VPS8: variants seen among roughly 807,000 people sequenced by gnomAD.
VPS8 encodes VPS8 subunit of CORVET complex.
A neutral mutation model predicts 216.4 loss-of-function variants in VPS8; 129 were observed. The ratio of observed to expected loss-of-function variants is 0.60; its 90% confidence interval spans 0.52 to 0.69. The LOEUF is 0.69. VPS8 is among the 30% of genes least tolerant of loss of function. The probability of loss-of-function intolerance (pLI) is 0.00; values close to 1 mark genes in which losing one functional copy is unlikely to be tolerated. For synonymous variants in VPS8, 571 were observed against 565.4 expected (o/e 1.01, Z -0.14); for missense variants, 1,531 against 1,683.5 (o/e 0.91, Z 1.59).
intron 45 of VPS8, among the ~76,000 whole-genome samples, chr3:185,023,152 T>G (rs1347169988): frequency 6.6e-6 from 1 of 152,222 alleles, no homozygotes; most frequent in African/African-American, 2.4e-5. Context: ...CCACTGATTA[T>G]CTTTACAAAT....
intron 35 of VPS8, among the ~76,000 whole-genome samples, chr3:184,939,182 C>G (rs1168696398): frequency 6.6e-6 from 1 of 152,008 alleles, no homozygotes. Context: ...AAGAAATATG[C>G]CTCTGACCAA....
chr3:184,999,757 G>A lies in VPS8; in HGVS notation c.3898G>A (p.Gly1300Ser), dbSNP rs1455944392. The A allele has an allele frequency of 6.2e-7, 1 of 1,613,236 alleles. No homozygotes were observed. Among genetic ancestry groups the A allele is most frequent in the South Asian group, 1.1e-5 (1 of 90,838 alleles). Residue 1300 changes from glycine (G) to serine (S), a missense_variant, in exon 45 of 48, where the codon GGC becomes AGC. Physicochemically the swap from Gly to Ser is moderately conservative, Grantham distance 56 (BLOSUM62 0). This residue lies in a region of VPS8 where 1,318 missense variants were observed against 1,468.4 expected (regional missense o/e 0.90). Transcript: ENST00000625842. ...QNKECTVEFE[G>S]QTRWTCYKCS... is the part of the protein sequence containing the mutation. ...CAAAGAATGCACTGTGGAATTTGAG[G>A]GCCAAACAAGATGGACATGCTACAA...
intron 36 of VPS8, among the ~76,000 whole-genome samples, chr3:184,942,678 C>G (rs781146873): frequency 6.6e-6 from 1 of 152,184 alleles, no homozygotes; most frequent in Non-Finnish European, 1.5e-5. Flanking sequence ...TTGGATTCAT[C>G]ATATTTTATC....
chr3:184,893,495 T>A, intron 22 of VPS8: 8 of 515,920 alleles, frequency 1.6e-5, no homozygotes, highest in Non-Finnish European at 2.0e-5. Flanking sequence ...ATACAATTTA[T>A]AAATGAAAAC....
intron 36 of VPS8, among the ~76,000 whole-genome samples, chr3:184,954,602 G>A (rs188919824): frequency 3.3e-5 from 5 of 152,238 alleles, no homozygotes; most frequent in East Asian, 3.9e-4. Context: ...GAGAACTGCC[G>A]TGTCCCTAGA....
intron 14 of VPS8, among the ~76,000 whole-genome samples, chr3:184,857,933 G>A (rs1725570688): frequency 6.6e-6 from 1 of 152,166 alleles, no homozygotes; most frequent in South Asian, 2.1e-4. Flanking sequence ...AGGGAGAAGT[G>A]ATTTAGTGAA....
At chr3:184,944,790 A>G (rs1394060107) in intron 36 of VPS8, among the ~76,000 whole-genome samples, 1 of 152,230 alleles carries the variant, frequency 6.6e-6, no homozygotes, top group Non-Finnish European at 1.5e-5. Context: ...GAAAATGAGT[A>G]ACTTTGTCAA....
intron 23 of VPS8, 57 bp downstream of exon 23, chr3:184,894,982 A>G (rs574275106): frequency 5.6e-6 from 8 of 1,432,530 alleles, no homozygotes; most frequent in African/African-American, 1.4e-5. Context: ...TTTATTGATA[A>G]CACTTACTTC....
At position 184,999,718 on chromosome 3, in the gene VPS8, T is replaced by C. The variant is rs1426757775; in HGVS notation, c.3859T>C (p.Phe1287Leu). 6.2e-7 allele frequency: 1 copy of C among 1,611,838 alleles called. No individual in the cohort carries two copies. The highest frequency in any genetic ancestry group is 8.5e-7 in the Non-Finnish European group (1 of 1,179,302). ...VFSCGHLYHS[F>L]CLQNKECTVE... ...CAGCTGTGGCCATTTGTATCACTCA[T>C]TCTGCCTACAAAACAAAGAATGCAC... The change falls in exon 45 of 48, where the codon TTC (phenylalanine) becomes CTC (leucine). Residue 1287 changes from phenylalanine to leucine, a missense_variant. This residue lies in a region of VPS8 where 1,318 missense variants were observed against 1,468.4 expected (regional missense o/e 0.90). Transcript: ENST00000625842.
At position 184,868,985 on chromosome 3, in the gene VPS8, G is replaced by A. The variant is rs746039383; in HGVS notation, c.1546G>A (p.Ala516Thr). 9 of 1,610,820 alleles carry A rather than the reference G, an allele frequency of 5.6e-6. No homozygotes were observed. The highest frequency in any genetic ancestry group is 6.8e-6 in the Non-Finnish European group (8 of 1,178,676). The change falls in exon 19 of 48, where the codon GCG becomes ACG. Residue 516 changes from alanine (A) to threonine (T), a missense_variant. Around this residue, in one of 3 missense-constraint regions of VPS8, gnomAD observed 1,318 missense variants for 1,468.4 expected, o/e 0.90. Coordinates refer to ENST00000625842, the MANE Select transcript of VPS8 (RefSeq NM_001009921.3). ...HLLKQDCLTEALALAWSFHEG... is the reference protein window; with the variant it reads ...HLLKQDCLTETLALAWSFHEG... Reference sequence around the variant, plus strand: ...CCTGAAACAAGATTGTCTTACAGAAGCGTTGGCTCTTGCGTGGTCTTTCCA... The same window carrying A: ...CCTGAAACAAGATTGTCTTACAGAAACGTTGGCTCTTGCGTGGTCTTTCCA...
At chr3:184,875,973 G>C (rs1057451894) in intron 21 of VPS8, among the ~76,000 whole-genome samples, 5 of 151,038 alleles carry the variant, frequency 3.3e-5, no homozygotes, top group African/African-American at 9.8e-5. Context: ...CTGGGTGACA[G>C]AGCAAGACCC....
chr3:184,879,090 T>C (rs978590015), intron 21 of VPS8, among the ~76,000 whole-genome samples: 1 of 152,166 alleles, frequency 6.6e-6, no homozygotes, highest in Non-Finnish European at 1.5e-5. Flanking sequence ...TTTCAAATCA[T>C]CCCATGAAAT....
intron 27 of VPS8, 91 bp downstream of exon 27, chr3:184,915,144 C>A: frequency 7.0e-7 from 1 of 1,427,642 alleles, no homozygotes; most frequent in Non-Finnish European, 9.9e-7. Flanking sequence ...ACACGTGGGT[C>A]AGGAGCTATC....
At chr3:185,048,345 C>G in intron 46 of VPS8, 134 bp from the exon 47 acceptor site, 1 of 834,448 alleles carries the variant, frequency 1.2e-6, no homozygotes, top group Non-Finnish European at 1.9e-6. Flanking sequence ...ATATATCTCA[C>G]TAATAGCTGG....
chr3:184,923,590 TG>T (rs1240689396), intron 29 of VPS8, among the ~76,000 whole-genome samples: 84 of 152,352 alleles, frequency 5.5e-4, no homozygotes, highest in Non-Finnish European at 1.9e-4. Context: ...ACTCCGCTGG[TG>T]GAACACGTTT....
intron 40 of VPS8, among the ~76,000 whole-genome samples, chr3:184,973,941 A>G (rs921757647): frequency 6.6e-6 from 1 of 152,130 alleles, no homozygotes; most frequent in African/African-American, 2.4e-5. Context: ...TTATCCATGC[A>G]TCTGTTGATT....
intron 46 of VPS8, among the ~76,000 whole-genome samples, chr3:185,043,800 G>A (rs1383737744): frequency 1.3e-5 from 2 of 152,188 alleles, no homozygotes; most frequent in African/African-American, 4.8e-5. Context: ...TCCCCAGAAG[G>A]AGGGCAGGTG....
intron 46 of VPS8, among the ~76,000 whole-genome samples, chr3:185,030,568 C>T (rs13067541): frequency 0.079 from 11,995 of 152,166 alleles, 622 homozygotes; most frequent in Middle Eastern, 0.15. Flanking sequence ...TCTGTGAGTC[C>T]ATTCAGTAAA....
At chr3:185,003,802 C>T (rs946633746) in intron 45 of VPS8, among the ~76,000 whole-genome samples, 3 of 150,994 alleles carry the variant, frequency 2.0e-5, no homozygotes, top group Admixed American at 1.3e-4. Context: ...ACTTCTCAGA[C>T]GGGGCGGCTG....
Sources: allele counts gnomAD v4.1 joint callset (sites outside exome capture counted in the v4.1 genomes callset), GRCh38; gene constraint gnomAD v4.1.1; regional missense constraint gnomAD v4.1.1; transcripts MANE v1.5; gene names NCBI Gene and HGNC (gene_info 2026-07-23, HGNC 2026-07-21).